Variants in EHMT1 observed in about 807,000 individuals in gnomAD.
EHMT1 encodes the protein euchromatic histone lysine methyltransferase 1.
A neutral mutation model predicts 147.2 loss-of-function variants in EHMT1; 15 were observed. The observed-to-expected ratio is 0.10, with a 90% CI of 0.07 to 0.16. EHMT1 has a LOEUF of 0.16. Ranked by LOEUF, EHMT1 falls within the 10% of genes least tolerant of loss-of-function variation. The pLI is 1.00. For missense variants in EHMT1, 1,587 were observed against 1,772.4 expected (o/e 0.90, Z 1.88); for synonymous variants, 795 against 709.6 (o/e 1.12, Z -1.91).
chr9:137,832,900 C>T (rs1034294335), intron 25 of EHMT1: 1 of 152,258 alleles, frequency 6.6e-6, no homozygotes, highest in Non-Finnish European at 1.5e-5. Context: ...CCTATAGATT[C>T]TTAGTCCATC....
intron 1 of EHMT1, among the ~76,000 whole-genome samples, chr9:137,662,571 C>A (rs1278282440): frequency 6.6e-6 from 1 of 152,162 alleles, no homozygotes; most frequent in Non-Finnish European, 1.5e-5. Flanking sequence ...ATGATCTCAG[C>A]TCACTGCAAC....
chr9:137,691,825 G>C (rs1942960491), intron 1 of EHMT1, among the ~76,000 whole-genome samples: 1 of 152,090 alleles, frequency 6.6e-6, no homozygotes, highest in South Asian at 2.1e-4. Context: ...TCTTGTGCTT[G>C]GTACACTTGC....
intron 19 of EHMT1, 100 bp from the exon 20 acceptor site, chr9:137,812,906 C>T: frequency 1.2e-5 from 18 of 1,487,528 alleles, no homozygotes; most frequent in East Asian, 4.5e-5. Flanking sequence ...GAATAGTGTT[C>T]CCTTTATTGT....
intron 1 of EHMT1, among the ~76,000 whole-genome samples, chr9:137,620,807 G>A (rs760882474): frequency 1.3e-5 from 2 of 152,170 alleles, no homozygotes; most frequent in Non-Finnish European, 2.9e-5. Context: ...TGACCGATGA[G>A]CAAATGGCTC....
chr9:137,690,445 A>T (rs1277463069), intron 1 of EHMT1, among the ~76,000 whole-genome samples: 1 of 149,018 alleles, frequency 6.7e-6, no homozygotes, highest in Non-Finnish European at 1.5e-5. Flanking sequence ...GGAGTTCAAG[A>T]CTGCAGTGAG....
At chr9:137,802,062 A>G (rs1366937167) in intron 18 of EHMT1, among the ~76,000 whole-genome samples, 1 of 152,210 alleles carries the variant, frequency 6.6e-6, no homozygotes, top group Non-Finnish European at 1.5e-5. Flanking sequence ...TAGAGTTTGG[A>G]GCTGAGATAG....
At chr9:137,718,780 G>T (rs1945626404) in intron 3 of EHMT1, among the ~76,000 whole-genome samples, 1 of 147,714 alleles carries the variant, frequency 6.8e-6, no homozygotes, top group Admixed American at 6.7e-5. Context: ...TTTTGAGACG[G>T]AGTCTTGCTC....
At chr9:137,676,984 G>A (rs887478897) in intron 1 of EHMT1, among the ~76,000 whole-genome samples, 3 of 152,012 alleles carry the variant, frequency 2.0e-5, no homozygotes, top group Non-Finnish European at 4.4e-5. Context: ...TGTGTGACAA[G>A]AACCGGATTT....
Position 137,779,630 on chromosome 9 carries a change from C to A in EHMT1, c.2193-5C>A, listed in dbSNP as rs1445402996. 1 of 1,613,736 alleles carries A rather than the reference C, an allele frequency of 6.2e-7. No individual in the cohort carries two copies. ...ATGCTGACTGTTGTCTTGTGCTTCC[C>A]ACAGACCCAAGAAGCTTCGCTTCCA... On this transcript the variant is annotated splice_polypyrimidine_tract_variant and splice_region_variant and intron_variant, in intron 13 of 26. Coordinates refer to ENST00000460843, the MANE Select transcript of EHMT1 (RefSeq NM_024757.5).
Position 137,672,136 on chromosome 9 carries a change from G to A in EHMT1, c.22-38831G>A, listed in dbSNP as rs536075934. On this transcript the variant is annotated intron_variant, in intron 1 of 26. Coordinates refer to ENST00000460843, the MANE Select transcript of EHMT1 (RefSeq NM_024757.5). Reference sequence around the variant, plus strand: ...GATGTGTGATAGTGCCATAGAGGGCGTGCAGCAGGCGGTGTGAGCATCTGG... The same window carrying A: ...GATGTGTGATAGTGCCATAGAGGGCATGCAGCAGGCGGTGTGAGCATCTGG... Among the ~76,000 whole-genome samples the A allele has an allele frequency of 3.9e-5, 6 of 152,356 alleles. No homozygotes were observed. The South Asian group carries it at 1.2e-3, about 32-fold the overall frequency.
intron 17 of EHMT1, 76 bp downstream of exon 17, chr9:137,798,990 C>G: frequency 8.1e-7 from 1 of 1,239,054 alleles, no homozygotes; most frequent in South Asian, 1.2e-5. Flanking sequence ...AGCTCCTGGT[C>G]CCACCCCCAT....
chr9:137,657,149 C>T (rs1031011943), intron 1 of EHMT1, among the ~76,000 whole-genome samples: 20 of 152,196 alleles, frequency 1.3e-4, no homozygotes, highest in East Asian at 5.8e-4. Context: ...GTGTTATGGC[C>T]GGTGTAGACA....
chr9:137,835,014 CGAG>C lies in EHMT1; in HGVS notation c.*68_*70del, dbSNP rs1403780521. The C allele has an allele frequency of 2.2e-6, 3 of 1,354,300 alleles. No individual in the cohort carries two copies. In the Admixed American group the frequency reaches 1.2e-4, roughly 52 times the overall value. 83.9% of individuals were successfully genotyped at this position (1,354,300 alleles called of 1,614,324 possible). The stretch of plus-strand genomic sequence containing the variant: ...GACCGCCGCGTCGCCGATTAGAGGA[CGAG>C]GAGGAGAGATTCCGCACGCAACCGA... On this transcript the variant is annotated 3_prime_UTR_variant, in exon 27 of 27. Coordinates refer to ENST00000460843, the MANE Select transcript of EHMT1 (RefSeq NM_024757.5).
intron 18 of EHMT1, among the ~76,000 whole-genome samples, chr9:137,807,127 AT>A (rs1266055867): frequency 6.6e-6 from 1 of 152,162 alleles, no homozygotes; most frequent in East Asian, 1.9e-4. Flanking sequence ...TTTTTCAGTC[AT>A]TATTTCTTCA....
At chr9:137,712,220 C>T (rs1944804383) in intron 2 of EHMT1, among the ~76,000 whole-genome samples, 2 of 152,216 alleles carry the variant, frequency 1.3e-5, no homozygotes, top group Admixed American at 6.5e-5. Context: ...TCTCCCTGGT[C>T]ACCCCTCCTT....
intron 7 of EHMT1, among the ~76,000 whole-genome samples, chr9:137,752,814 G>A (rs1246534999): frequency 1.3e-5 from 2 of 152,058 alleles, no homozygotes; most frequent in African/African-American, 2.4e-5. Flanking sequence ...AGAGGGTGTG[G>A]CGGGAGCCGG....
chr9:137,647,102 T>C (rs1194994606), intron 1 of EHMT1, among the ~76,000 whole-genome samples: 1 of 152,174 alleles, frequency 6.6e-6, no homozygotes, highest in Non-Finnish European at 1.5e-5. Context: ...ACTCTTCTGG[T>C]TTCCTGCCGC....
chr9:137,795,038 C>T (rs1053775832), intron 16 of EHMT1: 5 of 152,148 alleles, frequency 3.3e-5, no homozygotes, highest in African/African-American at 4.8e-5. Context: ...AGTTTAGACA[C>T]GTTTGGAAGC....
intron 8 of EHMT1, among the ~76,000 whole-genome samples, chr9:137,757,647 C>T (rs1949478954): frequency 6.6e-6 from 1 of 152,150 alleles, no homozygotes; most frequent in South Asian, 2.1e-4. Context: ...CAGCTTCTCT[C>T]CTCCCCCATG....
Sources: gnomAD v4.1 joint callset for allele counts (sites outside exome capture counted in the v4.1 genomes callset) on GRCh38, gnomAD v4.1.1 for gene constraint, MANE v1.5 for transcripts, NCBI Gene and HGNC (gene_info 2026-07-23, HGNC 2026-07-21) for gene names.